MDGA2: variants seen among roughly 807,000 people sequenced by gnomAD.
The protein encoded by MDGA2 is MAM domain containing glycosylphosphatidylinositol anchor 2.
A neutral mutation model predicts 117.8 loss-of-function variants in MDGA2; 40 were observed. The ratio of observed to expected loss-of-function variants is 0.34; its 90% CI spans 0.26 to 0.44. The LOEUF (loss-of-function observed/expected upper bound fraction) is 0.44. MDGA2 is among the 20% of genes least tolerant of loss of function. The pLI is 1.00. For missense variants in MDGA2, 1,123 were observed against 1,250.6 expected (o/e 0.90, Z 1.54); for synonymous variants, 452 against 439.0 (o/e 1.03, Z -0.37).
chr14:47,623,462 C>T (rs1897086033), intron 1 of MDGA2, among the ~76,000 whole-genome samples: 1 of 152,144 alleles, frequency 6.6e-6, no homozygotes, highest in African/African-American at 2.4e-5. Flanking sequence ...AATTAGGTCA[C>T]ATACAATATC....
intron 1 of MDGA2, among the ~76,000 whole-genome samples, chr14:47,632,239 A>G (rs1291516718): frequency 6.6e-6 from 1 of 152,178 alleles, no homozygotes; most frequent in Non-Finnish European, 1.5e-5. Context: ...TCCCTATAGA[A>G]ATGAATGGTG....
At chr14:46,859,824 C>T (rs895456115) in intron 14 of MDGA2, among the ~76,000 whole-genome samples, 1 of 151,990 alleles carries the variant, frequency 6.6e-6, no homozygotes, top group Non-Finnish European at 1.5e-5. Context: ...TCACAATATA[C>T]ATATAAACTT....
chr14:47,092,305 T>A (rs1879704700), intron 6 of MDGA2, among the ~76,000 whole-genome samples: 1 of 152,174 alleles, frequency 6.6e-6, no homozygotes, highest in Non-Finnish European at 1.5e-5. Flanking sequence ...TCTACATTTT[T>A]GTAAAACTAG....
intron 2 of MDGA2, among the ~76,000 whole-genome samples, chr14:47,275,846 G>A (rs1440203919): frequency 2.6e-5 from 4 of 152,068 alleles, no homozygotes; most frequent in African/African-American, 7.3e-5. Flanking sequence ...AGCAGCCTGC[G>A]TAATGTAATG....
At chr14:47,283,775 G>C (rs1295618010) in intron 2 of MDGA2, among the ~76,000 whole-genome samples, 2 of 152,084 alleles carry the variant, frequency 1.3e-5, no homozygotes, top group African/African-American at 2.4e-5. Context: ...TTAACCACCA[G>C]CTTTCCTTTC....
In MDGA2 at chr14:47,473,761, A is replaced by G. The variant is rs138191519; in HGVS notation, c.281-172211T>C. Among the ~76,000 whole-genome samples, 207 of 152,328 alleles carry G rather than the reference A, an allele frequency of 1.4e-3. 1 individual carries two copies. The highest frequency in any genetic ancestry group is 2.2e-3 in the Non-Finnish European group (153 of 68,022). ...AATAGACACAGAAAAGGCCTTCAAT[A>G]AAATTCAATATCCCTTCATGTTAAA... On this transcript the variant is annotated intron_variant, in intron 1 of 16. Transcript: ENST00000399232.
intron 1 of MDGA2, among the ~76,000 whole-genome samples, chr14:47,618,512 T>C (rs1896988338): frequency 6.6e-6 from 1 of 152,192 alleles, no homozygotes; most frequent in Admixed American, 6.5e-5. Context: ...TAAAACTCTC[T>C]ACTTCAATTT....
At position 46,906,045 on chromosome 14, in the gene MDGA2, A is replaced by G. The variant is rs113402489; in HGVS notation, c.2238+13967T>C. 7.9e-5 allele frequency among the ~76,000 whole-genome samples: 12 copies of G among 152,116 alleles called. 1 individual carries two copies. The highest frequency in any genetic ancestry group is 2.9e-4 in the African/African-American group (12 of 41,562). ...TTGTCATTATATAAAAGAGTCATCAATAATTTACTAATAGCATATAATTAG... is the reference window on the plus strand; with the variant it reads ...TTGTCATTATATAAAAGAGTCATCAGTAATTTACTAATAGCATATAATTAG... On this transcript the variant is annotated intron_variant, in intron 10 of 16. Transcript: ENST00000399232.
At chr14:47,028,344 A>T (rs1009289441) in intron 8 of MDGA2, among the ~76,000 whole-genome samples, 2 of 152,148 alleles carry the variant, frequency 1.3e-5, no homozygotes, top group Non-Finnish European at 2.9e-5. Flanking sequence ...GAATCAAGTC[A>T]TTTTGGCATA....
chr14:47,246,542 G>A (rs928334038), intron 2 of MDGA2, among the ~76,000 whole-genome samples: 14 of 151,642 alleles, frequency 9.2e-5, no homozygotes, highest in African/African-American at 3.4e-4. Flanking sequence ...GGTATAGGAG[G>A]TTGAGCTAGA....
intron 1 of MDGA2, among the ~76,000 whole-genome samples, chr14:47,389,606 CCACACACACACACA>C (rs200077028): frequency 2.1e-5 from 2 of 96,478 alleles, no homozygotes; most frequent in East Asian, 2.6e-4. Flanking sequence ...ACACACACAC[CCACACACACACACA>C]CACACACACA....
chr14:47,549,363 C>CTCTCTCTCTCTCTCTCTCTG (rs1555331375), intron 1 of MDGA2, among the ~76,000 whole-genome samples: 1 of 151,874 alleles, frequency 6.6e-6, no homozygotes, highest in Non-Finnish European at 1.5e-5. Context: ...CTCTCTCTCT[C>CTCTCTCTCTCTCTCTCTCTG]TCTCTCTCTG....
At chr14:47,358,930 A>C (rs1427497052) in intron 1 of MDGA2, among the ~76,000 whole-genome samples, 1 of 152,216 alleles carries the variant, frequency 6.6e-6, no homozygotes, top group Non-Finnish European at 1.5e-5. Context: ...TAAAAATTCC[A>C]ATGGCATTTT....
At chr14:47,436,848 C>A (rs558273489) in intron 1 of MDGA2, among the ~76,000 whole-genome samples, 1 of 152,184 alleles carries the variant, frequency 6.6e-6, no homozygotes, top group Admixed American at 6.5e-5. Context: ...GCTCAGGATC[C>A]AAGTTCTTGA....
Position 46,866,695 on chromosome 14 carries a change from GA to G in MDGA2, c.2752+6737del, listed in dbSNP as rs1361512401. Among the ~76,000 whole-genome samples, 966 of 140,262 alleles carry G rather than the reference GA, an allele frequency of 6.9e-3. 7 individuals are homozygous for G. The highest frequency in any genetic ancestry group is 0.011 in the Non-Finnish European group (676 of 64,284). The allele number at this position is 140,262 out of a possible 152,430, so 92.0% of individuals were successfully genotyped here. On this transcript the variant is annotated intron_variant, in intron 14 of 16. Coordinates refer to ENST00000399232, the MANE Select transcript of MDGA2 (RefSeq NM_001113498.3). Reference sequence around the variant, plus strand: ...ACAATGAACTCAAACAAATTTACAAGAAAAAAAAAAACAACCCCATCAGAAA... The same window carrying G: ...ACAATGAACTCAAACAAATTTACAAGAAAAAAAAAACAACCCCATCAGAAA...
intron 1 of MDGA2, among the ~76,000 whole-genome samples, chr14:47,382,098 T>C (rs1172098639): frequency 1.6e-4 from 25 of 152,184 alleles, no homozygotes; most frequent in Admixed American, 1.6e-3. Flanking sequence ...AAAGAAGGAA[T>C]GGGGAAAGGA....
chr14:47,619,321 G>C (rs1297517145), intron 1 of MDGA2, among the ~76,000 whole-genome samples: 5 of 152,078 alleles, frequency 3.3e-5, no homozygotes. Flanking sequence ...TACTCTTTAT[G>C]GTACAGTAGT....
chr14:47,223,604 T>C (rs1297151172), intron 2 of MDGA2, among the ~76,000 whole-genome samples: 3 of 152,172 alleles, frequency 2.0e-5, no homozygotes, highest in African/African-American at 7.2e-5. Context: ...ACCTTCTTCC[T>C]ATCCCCCAGC....
At chr14:47,106,770 T>C (rs78744029) in intron 5 of MDGA2, among the ~76,000 whole-genome samples, 7,189 of 128,188 alleles carry the variant, frequency 0.056, 269 homozygotes, top group Non-Finnish European at 0.071. Flanking sequence ...CAGAGGCTAC[T>C]CACTCCACAT....
Sources: gnomAD v4.1 joint callset for allele counts (sites outside exome capture counted in the v4.1 genomes callset) on GRCh38, gnomAD v4.1.1 for gene constraint, MANE v1.5 for transcripts, NCBI Gene and HGNC (gene_info 2026-07-23, HGNC 2026-07-21) for gene names.